Variants in IQCJ observed in about 807,000 individuals in gnomAD.
IQCJ encodes IQ motif containing J, also known as IQ domain-containing protein J.
IQCJ carries 9 observed loss-of-function variants against 11.0 expected under a neutral mutation model. The ratio of observed to expected loss-of-function variants is 0.82; its 90% CI spans 0.49 to 1.43. The LOEUF is 1.43. Ranked by LOEUF, IQCJ falls within the 40% of genes most tolerant of loss-of-function variation. The probability of loss-of-function intolerance (pLI) is 0.00; values close to 1 mark genes in which losing one functional copy is unlikely to be tolerated. For synonymous variants in IQCJ, 55 were observed against 51.3 expected (o/e 1.07, Z -0.31); for missense variants, 146 against 133.2 (o/e 1.10, Z -0.47).
chr3:159,193,180 T>C (rs181188638), intron 1 of IQCJ, among the ~76,000 whole-genome samples: 3 of 152,142 alleles, frequency 2.0e-5, no homozygotes, highest in Admixed American at 1.3e-4. Flanking sequence ...CTGCGGAAAA[T>C]ATCTCTCTCT....
At chr3:159,203,677 G>A (rs1724484389) in intron 1 of IQCJ, among the ~76,000 whole-genome samples, 1 of 152,042 alleles carries the variant, frequency 6.6e-6, no homozygotes, top group Admixed American at 6.5e-5. Flanking sequence ...AGAGAAGCGG[G>A]GAGGTGGGAG....
intron 1 of IQCJ, among the ~76,000 whole-genome samples, chr3:159,101,485 A>C (rs1717913701): frequency 6.6e-6 from 1 of 152,162 alleles, no homozygotes; most frequent in African/African-American, 2.4e-5. Flanking sequence ...GTTGGAGGCA[A>C]GGTTGCTTCA....
intron 1 of IQCJ, among the ~76,000 whole-genome samples, chr3:159,175,187 G>A (rs4432697): frequency 0.29 from 44,580 of 152,026 alleles, 6,731 homozygotes; most frequent in South Asian, 0.38. Flanking sequence ...AAGATAGAAA[G>A]CAGGCCAGGC....
intron 1 of IQCJ, among the ~76,000 whole-genome samples, chr3:159,208,725 C>G (rs1296200749): frequency 6.6e-6 from 1 of 152,160 alleles, no homozygotes; most frequent in African/African-American, 2.4e-5. Context: ...ATGTCCTAAC[C>G]CTTGGATCCT....
intron 1 of IQCJ, among the ~76,000 whole-genome samples, chr3:159,244,918 A>G (rs1443847214): frequency 3.9e-5 from 6 of 152,090 alleles, no homozygotes; most frequent in African/African-American, 1.4e-4. Context: ...GGTAAATGGT[A>G]TGGTAGATAG....
At chr3:159,096,345 G>T (rs1030463675) in intron 1 of IQCJ, among the ~76,000 whole-genome samples, 1 of 150,130 alleles carries the variant, frequency 6.7e-6, no homozygotes, top group Non-Finnish European at 1.5e-5. Context: ...AGTTTCTTTT[G>T]CTGTGCAGAA....
At chr3:159,196,899 G>A (rs1257277798) in intron 1 of IQCJ, among the ~76,000 whole-genome samples, 1 of 152,092 alleles carries the variant, frequency 6.6e-6, no homozygotes, top group Non-Finnish European at 1.5e-5. Context: ...CATAGATATC[G>A]CCATCCATTG....
At chr3:159,195,129 A>G (rs1723910630) in intron 1 of IQCJ, among the ~76,000 whole-genome samples, 1 of 151,210 alleles carries the variant, frequency 6.6e-6, no homozygotes. Flanking sequence ...AAAAATCTGT[A>G]TCACTGGAGC....
intron 1 of IQCJ, among the ~76,000 whole-genome samples, chr3:159,137,110 G>A (rs1191065938): frequency 2.0e-5 from 3 of 151,804 alleles, no homozygotes; most frequent in Non-Finnish European, 4.4e-5. Flanking sequence ...AAAAATACAA[G>A]AATTAGCTGG....
intron 1 of IQCJ, among the ~76,000 whole-genome samples, chr3:159,104,085 T>C (rs1225397519): frequency 1.3e-5 from 2 of 152,208 alleles, no homozygotes; most frequent in Non-Finnish European, 2.9e-5. Context: ...AAAGCAGATA[T>C]GGGCTGTGGC....
At chr3:159,128,777 T>G (rs1256166291) in intron 1 of IQCJ, among the ~76,000 whole-genome samples, 4 of 152,196 alleles carry the variant, frequency 2.6e-5, no homozygotes, top group Non-Finnish European at 5.9e-5. Context: ...TACCGTGCTT[T>G]GAGAACAAAC....
chr3:159,197,719 G>A (rs1399505318), intron 1 of IQCJ, among the ~76,000 whole-genome samples: 1 of 152,028 alleles, frequency 6.6e-6, no homozygotes, highest in Non-Finnish European at 1.5e-5. Flanking sequence ...AGAGAGATGG[G>A]GGAACTGAGA....
At chr3:159,106,249 G>A (rs1021599822) in intron 1 of IQCJ, among the ~76,000 whole-genome samples, 7 of 152,162 alleles carry the variant, frequency 4.6e-5, no homozygotes, top group African/African-American at 1.4e-4. Flanking sequence ...TGAGATATCT[G>A]CTAGACATTC....
chr3:159,101,557 G>T (rs183623595), intron 1 of IQCJ, among the ~76,000 whole-genome samples: 1 of 152,270 alleles, frequency 6.6e-6, no homozygotes, highest in Non-Finnish European at 1.5e-5. Flanking sequence ...CATTATAACG[G>T]CAACCTTCTT....
intron 1 of IQCJ, among the ~76,000 whole-genome samples, chr3:159,169,896 C>T (rs779194314): frequency 6.6e-6 from 1 of 152,106 alleles, no homozygotes; most frequent in African/African-American, 2.4e-5. Flanking sequence ...CTGACTTGTA[C>T]CCATCCAACT....
chr3:159,129,954 G>A (rs564718586), intron 1 of IQCJ, among the ~76,000 whole-genome samples: 10 of 152,142 alleles, frequency 6.6e-5, no homozygotes, highest in South Asian at 2.1e-4. Context: ...TGCAGATGCC[G>A]ATGTGTATTT....
chr3:159,164,411 A>G (rs139134406), intron 1 of IQCJ, among the ~76,000 whole-genome samples: 1 of 152,292 alleles, frequency 6.6e-6, no homozygotes, highest in African/African-American at 2.4e-5. Flanking sequence ...AAAGTATTTT[A>G]AAAATGCTTA....
chr3:159,198,584 A>G (rs552891564), intron 1 of IQCJ, among the ~76,000 whole-genome samples: 21 of 152,234 alleles, frequency 1.4e-4, no homozygotes, highest in Non-Finnish European at 2.8e-4. Context: ...AAAGTAACTC[A>G]TCAGAGACCA....
chr3:159,232,943 T>C (rs142224649), intron 1 of IQCJ, among the ~76,000 whole-genome samples: 2 of 152,284 alleles, frequency 1.3e-5, no homozygotes, highest in Non-Finnish European at 2.9e-5. Flanking sequence ...CTGGGACAGA[T>C]AGGACTTAAC....
Sources: gnomAD v4.1 joint callset for allele counts (sites outside exome capture counted in the v4.1 genomes callset) on GRCh38, gnomAD v4.1.1 for gene constraint, MANE v1.5 for transcripts, NCBI Gene and HGNC (gene_info 2026-07-23, HGNC 2026-07-21) for gene names.